The following MEFV variants were observed in gnomAD, a reference collection of about 807,000 sequenced individuals.
MEFV encodes pyrin.
A neutral mutation model predicts 62.5 loss-of-function variants in MEFV; 60 were observed. The ratio of observed to expected loss-of-function variants is 0.96; its 90% confidence interval spans 0.78 to 1.19. MEFV has a LOEUF of 1.19. Among genes scored for constraint, MEFV ranks in the 50% most tolerant of loss-of-function variants. The pLI, the probability that MEFV is intolerant of heterozygous loss-of-function variation, is 0.00. For synonymous variants in MEFV, 500 were observed against 415.2 expected (o/e 1.20, Z -2.48); for missense variants, 1,169 against 1,004.5 (o/e 1.16, Z -2.21).
Position 3,243,038 on chromosome 16 carries a change from GC to G in MEFV, c.*102del, listed in dbSNP as rs1958879697. ...GCACAGTAACTATTTTGTTATTTTTGCATTTCCCATAGCAGCTAGCACCTAG... is the reference window on the plus strand; with the variant it reads ...GCACAGTAACTATTTTGTTATTTTTGATTTCCCATAGCAGCTAGCACCTAG... On this transcript the variant is annotated 3_prime_UTR_variant, in exon 10 of 10. Transcript: ENST00000219596. 1.5e-6 allele frequency: 2 copies of G among 1,331,378 alleles called. No individual in the cohort carries two copies. The highest frequency in any genetic ancestry group is 2.9e-5 in the African/African-American group (2 of 69,030). 82.5% of individuals were successfully genotyped at this position (1,331,378 alleles called of 1,614,324 possible). A position where few individuals can be genotyped will look rare whatever the true frequency, so the allele number is the denominator to read the frequency against.
chr16:3,244,121 T>C (rs1258098938), intron 8 of MEFV, 133 bp downstream of exon 8: 10 of 1,557,838 alleles, frequency 6.4e-6, no homozygotes, highest in Non-Finnish European at 8.7e-6. Context: ...GGGCCTGCCA[T>C]GACCTTTCTC....
intron 2 of MEFV, among the ~76,000 whole-genome samples, chr16:3,253,894 T>C (rs1959074061): frequency 6.6e-6 from 1 of 152,166 alleles, no homozygotes; most frequent in Non-Finnish European, 1.5e-5. Flanking sequence ...CAAGAGATCC[T>C]CCCGTGCAGG....
chr16:3,252,556 G>A (rs983526975), intron 2 of MEFV, among the ~76,000 whole-genome samples: 5 of 151,894 alleles, frequency 3.3e-5, no homozygotes, highest in Admixed American at 3.3e-4. Flanking sequence ...TTACAGGTAT[G>A]AGCCACCGCA....
chr16:3,242,141 T>C lies in MEFV; in HGVS notation c.*1000A>G, dbSNP rs1301768261. Reference sequence around the variant, plus strand: ...ACTTTGGGAGGCTGAGGTGGGTGCATCACCTGAGGTCAGGAGTTTGAGACC... The same window carrying C: ...ACTTTGGGAGGCTGAGGTGGGTGCACCACCTGAGGTCAGGAGTTTGAGACC... On this transcript the variant is annotated 3_prime_UTR_variant, in exon 10 of 10. Coordinates refer to ENST00000219596, the MANE Select transcript of MEFV (RefSeq NM_000243.3). The C allele has an allele frequency of 1.6e-5, 3 of 193,230 alleles. No homozygotes were observed. The highest frequency in any genetic ancestry group is 3.4e-5 in the Non-Finnish European group (3 of 88,194). The allele number at this position is 193,230 out of a possible 1,614,324, so 12.0% of individuals were successfully genotyped here.
At chr16:3,255,016 T>A (rs557877170) in intron 1 of MEFV, among the ~76,000 whole-genome samples, 3 of 152,250 alleles carry the variant, frequency 2.0e-5, no homozygotes, top group Non-Finnish European at 4.4e-5. Flanking sequence ...ACCCCGTCTC[T>A]ACTAAAAATA....
At chr16:3,245,170 C>T (rs1368153872) in intron 6 of MEFV, among the ~76,000 whole-genome samples, 1 of 152,144 alleles carries the variant, frequency 6.6e-6, no homozygotes. Context: ...TGCCTGTAGT[C>T]CCAGCTACTC....
At chr16:3,249,833 A>C in intron 2 of MEFV, 53 bp from the exon 3 acceptor site, 1 of 1,460,170 alleles carries the variant, frequency 6.8e-7, no homozygotes, top group Non-Finnish European at 9.5e-7. Context: ...AGTTGCTTAC[A>C]CAGAGGTATC....
At position 3,256,529 on chromosome 16, in the gene MEFV, T is replaced by C; in HGVS notation, c.59A>G (p.Asp20Gly). 1 of 1,614,112 alleles carries C rather than the reference T, an allele frequency of 6.2e-7. No homozygotes were observed. Among genetic ancestry groups the C allele is most frequent in the South Asian group, 1.1e-5 (1 of 91,084 alleles). Residue 20 changes from aspartate (D) to glycine (G), a missense_variant, in exon 1 of 10, where the codon GAC (aspartate) becomes GGC (glycine). Physicochemically the swap from Asp to Gly is moderately conservative, Grantham distance 94. Coordinates refer to ENST00000219596, the MANE Select transcript of MEFV (RefSeq NM_000243.3). ...LSTLEELVPY[D>G]FEKFKFKLQN... Reference sequence around the variant, plus strand: ...CAGCTTGAACTTGAACTTCTCGAAGTCATAGGGCACCAGCTCCTCCAGGGT... The same window carrying C: ...CAGCTTGAACTTGAACTTCTCGAAGCCATAGGGCACCAGCTCCTCCAGGGT...
intron 2 of MEFV, among the ~76,000 whole-genome samples, chr16:3,250,686 C>A (rs1324182899): frequency 6.6e-6 from 1 of 151,506 alleles, no homozygotes; most frequent in Admixed American, 6.6e-5. Context: ...CTCCAAGACT[C>A]TAATTGCAAC....
chr16:3,242,232 CGG>C lies in MEFV; in HGVS notation c.*907_*908del. The C allele has an allele frequency of 4.4e-6, 1 of 228,652 alleles. No individual in the cohort carries two copies. Among genetic ancestry groups the C allele is most frequent in the Non-Finnish European group, 9.2e-6 (1 of 108,232 alleles). 14.2% of individuals were successfully genotyped at this position (228,652 alleles called of 1,614,324 possible). On this transcript the variant is annotated 3_prime_UTR_variant, in exon 10 of 10. Coordinates refer to ENST00000219596, the MANE Select transcript of MEFV (RefSeq NM_000243.3). ...GCAAAAAATTAGCCGGGCATGGTGG[CGG>C]GCGCCTGTAATCCCAGCTACTTCGG...
intron 6 of MEFV, among the ~76,000 whole-genome samples, chr16:3,245,337 G>T (rs892833893): frequency 1.3e-5 from 2 of 149,500 alleles, no homozygotes. Flanking sequence ...GGGAGGGAGG[G>T]AGGGAAGGAA....
Position 3,254,438 on chromosome 16 carries a change from CGCGGAGCTG to C in MEFV, c.621_629del (p.Ser208_Ala210del). 1 of 1,610,900 alleles carries C rather than the reference CGCGGAGCTG, an allele frequency of 6.2e-7. No individual in the cohort carries two copies. The highest frequency in any genetic ancestry group is 8.5e-7 in the Non-Finnish European group (1 of 1,178,656). On this transcript the variant is annotated inframe_deletion, in exon 2 of 10. Transcript: ENST00000219596. ...CCCCCGCCAGCCCCTGCAGCCTCCC[CGCGGAGCTG>C]GCGTTTCTGCGCAGCCGGACCTCGG...
intron 8 of MEFV, 50 bp downstream of exon 8, chr16:3,244,204 G>C (rs1958904818): frequency 1.2e-6 from 2 of 1,613,208 alleles, no homozygotes; most frequent in Non-Finnish European, 1.7e-6. Flanking sequence ...CAGCACAAGG[G>C]AACACTGCAA....
At position 3,249,904 on chromosome 16, in the gene MEFV, C is replaced by T. The variant is rs544633737; in HGVS notation, c.911-124G>A. Reference sequence around the variant, plus strand: ...TGCGAGTTCTCAGTTAGACTCTGCCCACTTCCTAGCTTGTCCTCCCCCGAC... The same window carrying T: ...TGCGAGTTCTCAGTTAGACTCTGCCTACTTCCTAGCTTGTCCTCCCCCGAC... On this transcript the variant is annotated intron_variant, in intron 2 of 9. Coordinates refer to ENST00000219596, the MANE Select transcript of MEFV (RefSeq NM_000243.3). 7.1e-5 allele frequency: 57 copies of T among 805,722 alleles called. No homozygotes were observed. In the East Asian group the frequency reaches 1.5e-3, roughly 22 times the overall value. 49.9% of individuals were successfully genotyped at this position (805,722 alleles called of 1,614,324 possible).
intron 2 of MEFV, among the ~76,000 whole-genome samples, chr16:3,252,825 C>T (rs944354608): frequency 3.3e-5 from 5 of 150,748 alleles, no homozygotes. Context: ...TGGTGAGCAC[C>T]TATAGTCTCA....
At chr16:3,247,300 A>G (rs146559470) in intron 4 of MEFV, 54 bp from the exon 5 acceptor site, 12 of 1,550,270 alleles carry the variant, frequency 7.7e-6, no homozygotes, top group South Asian at 1.1e-5. Context: ...GTGGACGTGG[A>G]TGTCCAGGAA....
At chr16:3,244,000 GC>G in intron 8 of MEFV, 108 bp from the exon 9 acceptor site, 1 of 1,563,802 alleles carries the variant, frequency 6.4e-7, no homozygotes, top group Non-Finnish European at 8.7e-7. Flanking sequence ...CCTGCTTAGG[GC>G]CCTGCATGCT....
chr16:3,256,216 C>T, intron 1 of MEFV, 95 bp downstream of exon 1: 3 of 1,440,410 alleles, frequency 2.1e-6, no homozygotes, highest in Non-Finnish European at 2.9e-6. Context: ...TCCCAATCCC[C>T]AGGTCAGAGT....
At position 3,256,339 on chromosome 16, in the gene MEFV, G is replaced by A. The variant is rs141422964; in HGVS notation, c.249C>T (p.Ala83=). ...GAATGGCTGCCCTGTGGAGCTCCTC[G>A]GCCAGCAGGCGCTGGTTGATGGCCC... ...VLRAINQRLL[A]EELHRAAIQE... The change falls in exon 1 of 10, where the codon GCC becomes GCT. Residue 83 remains alanine (A), a synonymous_variant. Transcript: ENST00000219596. The A allele has an allele frequency of 1.7e-5, 28 of 1,613,768 alleles. No individual in the cohort carries two copies. The highest frequency in any genetic ancestry group is 2.7e-5 in the African/African-American group (2 of 74,924).
Sources: gnomAD v4.1 joint callset for allele counts (sites outside exome capture counted in the v4.1 genomes callset) on GRCh38, gnomAD v4.1.1 for gene constraint, MANE v1.5 for transcripts, NCBI Gene and HGNC (gene_info 2026-07-23, HGNC 2026-07-21) for gene names.